Variants in FGD3 observed in about 807,000 individuals in gnomAD.
FGD3 encodes FYVE, RhoGEF and PH domain-containing protein 3.
In FGD3, 45 loss-of-function variants were observed where a neutral mutation model predicts 71.8. That is an observed-to-expected ratio of 0.63 (90% CI 0.49 to 0.80). FGD3 has a LOEUF of 0.80. FGD3 is among the 30% of genes least tolerant of loss of function. The pLI, the probability that FGD3 is intolerant of heterozygous loss-of-function variation, is 0.00. For synonymous variants in FGD3, 378 were observed against 392.8 expected, an observed-to-expected ratio of 0.96 and a Z score of 0.44; for missense variants, 844 against 951.5, an observed-to-expected ratio of 0.89 and a Z score of 1.49.
chr9:92,962,531 G>C lies in FGD3; in HGVS notation c.-217-12707G>C, dbSNP rs185076399. On this transcript the variant is annotated intron_variant, in intron 1 of 17. Transcript: ENST00000375482. ...GCACAGCAACGGTGATTCAGATGTT[G>C]GTGGCTGGGATCCCTTGAGTACCTA... Among the ~76,000 whole-genome samples, 207 of 152,344 alleles carry C rather than the reference G, an allele frequency of 1.4e-3. 1 individual carries two copies. Among genetic ancestry groups the C allele is most frequent in the African/African-American group, 4.7e-3 (197 of 41,580 alleles).
At chr9:92,999,835 C>T (rs925484411) in intron 3 of FGD3, among the ~76,000 whole-genome samples, 2 of 151,992 alleles carry the variant, frequency 1.3e-5, no homozygotes, top group Non-Finnish European at 2.9e-5. Context: ...TTCATGATCT[C>T]CCTGCCTTGT....
At chr9:92,991,213 G>C (rs760648465) in intron 3 of FGD3, among the ~76,000 whole-genome samples, 2 of 151,912 alleles carry the variant, frequency 1.3e-5, no homozygotes, top group Non-Finnish European at 2.9e-5. Flanking sequence ...TGAGGAGCTG[G>C]GATTACAGTC....
chr9:93,005,989 C>G lies in FGD3; in HGVS notation c.681-35C>G, dbSNP rs761480514. 4 of 1,566,526 alleles carry G rather than the reference C, an allele frequency of 2.6e-6. No individual in the cohort carries two copies. The South Asian group carries it at 4.8e-5, about 19-fold the overall frequency. On this transcript the variant is annotated intron_variant, in intron 5 of 17. Coordinates refer to ENST00000375482, the MANE Select transcript of FGD3 (RefSeq NM_001083536.2). ...CTAACCTCAGAGTCCCCATTGCACCCAGCTATTTCTCTGATGATTCATTTC... is the reference window on the plus strand; with the variant it reads ...CTAACCTCAGAGTCCCCATTGCACCGAGCTATTTCTCTGATGATTCATTTC...
intron 3 of FGD3, among the ~76,000 whole-genome samples, chr9:92,987,745 G>A (rs1290739086): frequency 2.6e-5 from 4 of 152,312 alleles, no homozygotes; most frequent in African/African-American, 4.8e-5. Flanking sequence ...GGGAGGGGCC[G>A]TATGTGTAGT....
At chr9:93,027,257 C>G (rs189092866) in intron 14 of FGD3, among the ~76,000 whole-genome samples, 45 of 152,326 alleles carry the variant, frequency 3.0e-4, no homozygotes, top group African/African-American at 1.0e-3. Context: ...CCAGGCCACA[C>G]AGCTGGAAGT....
In FGD3 at chr9:92,976,266, G is replaced by C. The variant is rs751168903; in HGVS notation, c.10G>C (p.Gly4Arg). The change falls in exon 3 of 18, where the codon GGC becomes CGC. Residue 4 changes from glycine to arginine, a missense_variant. Physicochemically the swap from Gly to Arg is moderately radical, Grantham distance 125. Coordinates refer to ENST00000375482, the MANE Select transcript of FGD3 (RefSeq NM_001083536.2). The part of the protein sequence containing the change: MES[G>R]RGSSTPPGPI... ...GAGCTCAGCTTTAAGGATGGAGTCA[G>C]GCAGGGGGTCCTCAACCCCTCCAGG... The C allele has an allele frequency of 1.9e-6, 3 of 1,583,240 alleles. No individual in the cohort carries two copies. Among genetic ancestry groups the C allele is most frequent in the East Asian group, 2.3e-5 (1 of 44,170 alleles).
At chr9:93,007,265 T>C (rs1861103733) in intron 6 of FGD3, among the ~76,000 whole-genome samples, 1 of 151,294 alleles carries the variant, frequency 6.6e-6, no homozygotes, top group African/African-American at 2.4e-5. Flanking sequence ...TAATTTTTTA[T>C]ATTTTTTAGT....
chr9:92,977,962 A>C (rs977903021), intron 3 of FGD3, among the ~76,000 whole-genome samples: 4 of 152,212 alleles, frequency 2.6e-5, no homozygotes, highest in Non-Finnish European at 5.9e-5. Context: ...GGACCAGGCA[A>C]GTGTACACAC....
Position 93,010,390 on chromosome 9 carries a change from C to A in FGD3, c.976+6C>A. On this transcript the variant is annotated splice_donor_region_variant and intron_variant, in intron 7 of 17. Coordinates refer to ENST00000375482, the MANE Select transcript of FGD3 (RefSeq NM_001083536.2). ...AGACCGGAAGGATGCGGAGAGTGAG[C>A]TGGGGCCAAGGGCTCCCAGGAGGGT... 1 of 1,602,602 alleles carries A rather than the reference C, an allele frequency of 6.2e-7. No individual in the cohort carries two copies. Among genetic ancestry groups the A allele is most frequent in the Non-Finnish European group, 8.5e-7 (1 of 1,171,846 alleles).
intron 3 of FGD3, among the ~76,000 whole-genome samples, chr9:92,995,155 A>G (rs1234552450): frequency 6.6e-6 from 1 of 152,146 alleles, no homozygotes; most frequent in Non-Finnish European, 1.5e-5. Context: ...TTCGTTGAGC[A>G]GTGGTTTGTA....
intron 1 of FGD3, among the ~76,000 whole-genome samples, chr9:92,973,901 C>A (rs1368354721): frequency 6.6e-6 from 1 of 152,188 alleles, no homozygotes; most frequent in Non-Finnish European, 1.5e-5. Context: ...CTGGGCCTCC[C>A]AGTTTTGTCT....
chr9:93,035,544 G>A lies in FGD3; in HGVS notation c.2133G>A (p.Pro711=), dbSNP rs576888543. The A allele has an allele frequency of 7.7e-5, 123 of 1,605,920 alleles. No homozygotes were observed. In the Admixed American group the frequency reaches 7.8e-4, roughly 10 times the overall value. Residue 711 remains proline, a synonymous_variant, in exon 18 of 18, where the codon CCG becomes CCA. Coordinates refer to ENST00000375482, the MANE Select transcript of FGD3 (RefSeq NM_001083536.2). ...ATGGGGACACGGCCCAGGACAGCCCGGGGGCCCTGCAGCTTCAGGTCCCTA... is the reference window on the plus strand; with the variant it reads ...ATGGGGACACGGCCCAGGACAGCCCAGGGGCCCTGCAGCTTCAGGTCCCTA... ...AAHGDTAQDS[P]GALQLQVPMG...
chr9:92,958,833 A>C (rs1045831679), intron 1 of FGD3, among the ~76,000 whole-genome samples: 1 of 152,214 alleles, frequency 6.6e-6, no homozygotes, highest in African/African-American at 2.4e-5. Context: ...TTCCCTATTG[A>C]TATGTACTGG....
rs531475233 is a variant in FGD3 at position 92,961,324 on chromosome 9, C to T, written c.-218+13595C>T. Among the ~76,000 whole-genome samples the T allele has an allele frequency of 6.7e-4, 102 of 152,324 alleles. 1 individual carries two copies. Among genetic ancestry groups the T allele is most frequent in the African/African-American group, 2.0e-3 (82 of 41,562 alleles). ...GCACAGGGCCTTCTCTGCAGAGCCT[C>T]TGACTCCACAAAGTTATTCAAGGGC... On this transcript the variant is annotated intron_variant, in intron 1 of 17. Coordinates refer to ENST00000375482, the MANE Select transcript of FGD3 (RefSeq NM_001083536.2).
In FGD3 at chr9:93,001,088, C is replaced by T. The variant is rs527935573; in HGVS notation, c.454-1837C>T. 3.3e-5 allele frequency among the ~76,000 whole-genome samples: 5 copies of T among 152,042 alleles called. No individual in the cohort carries two copies. The South Asian group carries it at 6.2e-4, about 19-fold the overall frequency. Reference sequence around the variant, plus strand: ...TGTCAAACCCCTCTTAAAAATTTGTCGGTTCAATTAAAGTGTATTTCAGCT... The same window carrying T: ...TGTCAAACCCCTCTTAAAAATTTGTTGGTTCAATTAAAGTGTATTTCAGCT... On this transcript the variant is annotated intron_variant, in intron 3 of 17. Transcript: ENST00000375482.
intron 3 of FGD3, among the ~76,000 whole-genome samples, chr9:92,991,077 G>T (rs1335479635): frequency 6.6e-6 from 1 of 151,868 alleles, no homozygotes; most frequent in East Asian, 1.9e-4. Flanking sequence ...TTGTTTGTTT[G>T]TTTGTTTGTT....
chr9:92,950,046 TTC>T (rs1858926000), intron 1 of FGD3, among the ~76,000 whole-genome samples: 1 of 151,908 alleles, frequency 6.6e-6, no homozygotes, highest in African/African-American at 2.4e-5. Context: ...CTTTTTTTTT[TTC>T]TTTTTCTCCT....
chr9:92,959,758 C>T (rs1441429711), intron 1 of FGD3, among the ~76,000 whole-genome samples: 2 of 150,124 alleles, frequency 1.3e-5, no homozygotes, highest in Non-Finnish European at 3.0e-5. Flanking sequence ...ATAAAATGTC[C>T]TTGCTCATTT....
chr9:92,956,543 G>A (rs1490762343), intron 1 of FGD3, among the ~76,000 whole-genome samples: 1 of 152,198 alleles, frequency 6.6e-6, no homozygotes, highest in East Asian at 1.9e-4. Flanking sequence ...AGGACACAAG[G>A]ATATGATGGC....
Sources: gnomAD v4.1 joint callset for allele counts (sites outside exome capture counted in the v4.1 genomes callset) on GRCh38, gnomAD v4.1.1 for gene constraint, MANE v1.5 for transcripts, NCBI Gene and HGNC (gene_info 2026-07-23, HGNC 2026-07-21) for gene names.